Variants in KCNJ6 observed in about 807,000 individuals in gnomAD.
KCNJ6 encodes G protein-activated inward rectifier potassium channel 2.
Under a neutral mutation model 34.2 loss-of-function variants are expected in KCNJ6, and 9 were observed. That is an observed-to-expected ratio of 0.26 (90% CI 0.16 to 0.46). The LOEUF is 0.46. Among genes scored for constraint, KCNJ6 ranks in the 20% least tolerant of loss-of-function variants. The pLI is 1.00. For missense variants in KCNJ6, 236 were observed against 531.3 expected (o/e 0.44, Z 5.46); for synonymous variants, 196 against 207.1 (o/e 0.95, Z 0.46).
chr21:37,769,999 A>G (rs909844573), intron 2 of KCNJ6, among the ~76,000 whole-genome samples: 1 of 152,170 alleles, frequency 6.6e-6, no homozygotes, highest in African/African-American at 2.4e-5. Flanking sequence ...GAACTGTGAG[A>G]ACATACATTT....
rs1254171311 is a variant in KCNJ6 at position 37,859,485 on chromosome 21, CTTTATATA to C, written c.-27-18784_-27-18777del. On this transcript the variant is annotated intron_variant, in intron 1 of 3. Transcript: ENST00000609713. ...CAATTTTAACTATGGGCTTATATTA[CTTTATATA>C]TATATATATATATATATATATATAT... 6.0e-4 allele frequency among the ~76,000 whole-genome samples: 12 copies of C among 20,078 alleles called. 1 individual carries two copies. The highest frequency in any genetic ancestry group is 2.5e-3 in the African/African-American group (12 of 4,860). 13.2% of individuals were successfully genotyped at this position (20,078 alleles called of 152,430 possible).
chr21:37,729,244 G>A (rs2054871285), intron 2 of KCNJ6, among the ~76,000 whole-genome samples: 2 of 151,610 alleles, frequency 1.3e-5, no homozygotes. Context: ...GGTAAAATGT[G>A]CAATTTCATT....
chr21:37,746,917 G>A (rs1035199494), intron 2 of KCNJ6, among the ~76,000 whole-genome samples: 2 of 152,176 alleles, frequency 1.3e-5, no homozygotes, highest in African/African-American at 4.8e-5. Flanking sequence ...AAAGTTTTAA[G>A]TGCTCCAGCT....
At chr21:37,769,679 G>T (rs1278546150) in intron 2 of KCNJ6, among the ~76,000 whole-genome samples, 2 of 151,926 alleles carry the variant, frequency 1.3e-5, no homozygotes, top group African/African-American at 2.4e-5. Context: ...TGGAATGGGG[G>T]CTGCTATGGT....
At chr21:37,856,190 A>G (rs1368247170) in intron 1 of KCNJ6, among the ~76,000 whole-genome samples, 1 of 152,132 alleles carries the variant, frequency 6.6e-6, no homozygotes, top group African/African-American at 2.4e-5. Flanking sequence ...GCATTTTAAA[A>G]TCTCGTAATT....
chr21:37,742,429 CTG>C (rs1184446775), intron 2 of KCNJ6, among the ~76,000 whole-genome samples: 2 of 152,154 alleles, frequency 1.3e-5, no homozygotes, highest in African/African-American at 2.4e-5. Flanking sequence ...TTTTAATTAA[CTG>C]TTTTTTTTGT....
rs567529383 is a variant in KCNJ6, at chr21:37,615,943, T to C, written c.*9216A>G. On this transcript the variant is annotated 3_prime_UTR_variant, in exon 4 of 4. Transcript: ENST00000609713. ...TGAAGAAGAGCCTTTTAAGAAGCAATTTGGCCACCTAAGTGCATCCCATCT... is the reference window on the plus strand; with the variant it reads ...TGAAGAAGAGCCTTTTAAGAAGCAACTTGGCCACCTAAGTGCATCCCATCT... 1 of 152,342 alleles carries C rather than the reference T, an allele frequency of 6.6e-6. No individual in the cohort carries two copies. Among genetic ancestry groups the C allele is most frequent in the South Asian group, 2.1e-4 (1 of 4,828 alleles). 9.4% of individuals were successfully genotyped at this position (152,342 alleles called of 1,614,324 possible).
chr21:37,622,212 G>A lies in KCNJ6; in HGVS notation c.*2947C>T, dbSNP rs931789878. 4 of 152,188 alleles carry A rather than the reference G, an allele frequency of 2.6e-5. No individual in the cohort carries two copies. The highest frequency in any genetic ancestry group is 2.1e-4 in the South Asian group (1 of 4,826). The allele number at this position is 152,188 out of a possible 1,614,324, so 9.4% of individuals were successfully genotyped here. A position where few individuals can be genotyped will look rare whatever the true frequency, so the allele number is the denominator to read the frequency against. ...CAAACAGACCAAAGGATCTAGTTGA[G>A]AGTGATCTTCATTAGTTATGGATAC... On this transcript the variant is annotated 3_prime_UTR_variant, in exon 4 of 4. Transcript: ENST00000609713.
At chr21:37,706,320 G>C (rs2054719370) in intron 3 of KCNJ6, among the ~76,000 whole-genome samples, 1 of 152,216 alleles carries the variant, frequency 6.6e-6, no homozygotes, top group African/African-American at 2.4e-5. Context: ...TCAAAACCAT[G>C]AGGCGATCTG....
At chr21:37,662,385 A>G (rs1157170410) in intron 3 of KCNJ6, among the ~76,000 whole-genome samples, 3 of 152,212 alleles carry the variant, frequency 2.0e-5, no homozygotes, top group African/African-American at 7.2e-5. Context: ...TGGTTTGCTA[A>G]GGATAATGGC....
At chr21:37,839,938 G>C (rs538619871) in intron 2 of KCNJ6, among the ~76,000 whole-genome samples, 87 of 152,188 alleles carry the variant, frequency 5.7e-4, no homozygotes, top group African/African-American at 2.0e-3. Context: ...AATAGGGATT[G>C]CAGGCATGCA....
chr21:37,797,356 G>T (rs1360394120), intron 2 of KCNJ6, among the ~76,000 whole-genome samples: 1 of 152,154 alleles, frequency 6.6e-6, no homozygotes, highest in Non-Finnish European at 1.5e-5. Flanking sequence ...CTGGCCTTTT[G>T]TGTCTTTTTG....
chr21:37,900,672 T>A (rs538669725), intron 1 of KCNJ6, among the ~76,000 whole-genome samples: 2 of 152,116 alleles, frequency 1.3e-5, no homozygotes, highest in African/African-American at 4.8e-5. Context: ...GTGGATTTGA[T>A]GGGAGAAAGG....
At chr21:37,830,945 A>G (rs2055422857) in intron 2 of KCNJ6, among the ~76,000 whole-genome samples, 1 of 152,142 alleles carries the variant, frequency 6.6e-6, no homozygotes, top group Non-Finnish European at 1.5e-5. Flanking sequence ...CGTTAGGGGG[A>G]AGATCCTGGG....
intron 2 of KCNJ6, among the ~76,000 whole-genome samples, chr21:37,727,628 C>T (rs574573397): frequency 6.6e-5 from 10 of 152,118 alleles, no homozygotes; most frequent in African/African-American, 2.2e-4. Context: ...GAGGGATAGT[C>T]GGGTGTTTGA....
intron 3 of KCNJ6, among the ~76,000 whole-genome samples, chr21:37,650,443 G>T: frequency 6.6e-6 from 1 of 152,160 alleles, no homozygotes; most frequent in East Asian, 1.9e-4. Context: ...TAGGTACCAG[G>T]TGTGTAGTGC....
intron 2 of KCNJ6, among the ~76,000 whole-genome samples, chr21:37,832,466 C>A (rs1043512464): frequency 1.3e-5 from 2 of 152,116 alleles, no homozygotes; most frequent in African/African-American, 4.8e-5. Context: ...AGGATTCTCC[C>A]ATTGTCAGGA....
chr21:37,619,024 A>G lies in KCNJ6; in HGVS notation c.*6135T>C, dbSNP rs2054282062. On this transcript the variant is annotated 3_prime_UTR_variant, in exon 4 of 4. Transcript: ENST00000609713. ...TGAAGGGTCACAAGCTTTTTGCATG[A>G]TCTATATTGTAGATACCATTACCTA... 1.3e-5 allele frequency: 2 copies of G among 152,200 alleles called. No homozygotes were observed. The highest frequency in any genetic ancestry group is 1.3e-4 in the Admixed American group (2 of 15,278). The allele number at this position is 152,200 out of a possible 1,614,324, so 9.4% of individuals were successfully genotyped here. A position where few individuals can be genotyped will look rare whatever the true frequency, so the allele number is the denominator to read the frequency against.
At chr21:37,681,749 A>C in intron 3 of KCNJ6, among the ~76,000 whole-genome samples, 1 of 148,814 alleles carries the variant, frequency 6.7e-6, no homozygotes, top group Admixed American at 6.8e-5. Flanking sequence ...TTTGCTAGTG[A>C]CTCAACCAGA....
Sources: gnomAD v4.1 joint callset for allele counts (sites outside exome capture counted in the v4.1 genomes callset) on GRCh38, gnomAD v4.1.1 for gene constraint, MANE v1.5 for transcripts, NCBI Gene and HGNC (gene_info 2026-07-23, HGNC 2026-07-21) for gene names.